Variants in GULP1 observed in about 807,000 individuals in gnomAD.
GULP1 encodes the protein PTB domain-containing engulfment adapter protein 1.
In GULP1, 19 loss-of-function variants were observed where a neutral mutation model predicts 40.9. The observed-to-expected ratio is 0.46, with a 90% CI of 0.32 to 0.68. The LOEUF (loss-of-function observed/expected upper bound fraction) is 0.68, where lower values mean the gene tolerates loss of function less well. Among genes scored for constraint, GULP1 ranks in the 30% least tolerant of loss-of-function variants. GULP1 has a pLI of 0.03. For missense variants in GULP1, 312 were observed against 362.2 expected, an observed-to-expected ratio of 0.86 and a Z score of 1.12; for synonymous variants, 119 against 117.6, an observed-to-expected ratio of 1.01 and a Z score of -0.08.
chr2:188,523,437 A>G (rs1000944918), intron 5 of GULP1, among the ~76,000 whole-genome samples: 1 of 152,166 alleles, frequency 6.6e-6, no homozygotes, highest in African/African-American at 2.4e-5. Flanking sequence ...GCTACACACC[A>G]TGTTTTTCTA....
chr2:188,531,125 C>T (rs554335265), intron 6 of GULP1, among the ~76,000 whole-genome samples: 1 of 152,272 alleles, frequency 6.6e-6, no homozygotes, highest in East Asian at 1.9e-4. Flanking sequence ...CCAGCAACTG[C>T]ATCTATTGGA....
chr2:188,525,478 A>G (rs1685927898), intron 5 of GULP1, among the ~76,000 whole-genome samples: 1 of 152,346 alleles, frequency 6.6e-6, no homozygotes, highest in East Asian at 1.9e-4. Flanking sequence ...CTATGTATTG[A>G]ATAGCATTGT....
chr2:188,467,380 T>G (rs1575444396), intron 2 of GULP1, among the ~76,000 whole-genome samples: 1 of 152,188 alleles, frequency 6.6e-6, no homozygotes, highest in African/African-American at 2.4e-5. Context: ...TTCATAATCT[T>G]TTTTAATTCT....
intron 1 of GULP1, among the ~76,000 whole-genome samples, chr2:188,368,295 T>C (rs922411540): frequency 6.6e-6 from 1 of 152,128 alleles, no homozygotes; most frequent in Non-Finnish European, 1.5e-5. Context: ...TAATTTAGAC[T>C]TTATGGCCGA....
chr2:188,409,646 T>C (rs538828236), intron 2 of GULP1, among the ~76,000 whole-genome samples: 1 of 152,098 alleles, frequency 6.6e-6, no homozygotes, highest in South Asian at 2.1e-4. Context: ...CCAGACAAAG[T>C]CACTGCAAGA....
chr2:188,502,511 G>T (rs1419305770), intron 4 of GULP1, among the ~76,000 whole-genome samples: 1 of 151,676 alleles, frequency 6.6e-6, no homozygotes, highest in Non-Finnish European at 1.5e-5. Context: ...ATTACTAAAA[G>T]GTTAAAATTG....
intron 2 of GULP1, among the ~76,000 whole-genome samples, chr2:188,388,703 A>G (rs2050119632): frequency 6.6e-6 from 1 of 152,212 alleles, no homozygotes; most frequent in Non-Finnish European, 1.5e-5. Flanking sequence ...CTCGCCAGGC[A>G]CTAAGCTAGG....
At chr2:188,586,969 T>C (rs1341125459) in intron 10 of GULP1, among the ~76,000 whole-genome samples, 6 of 152,040 alleles carry the variant, frequency 3.9e-5, no homozygotes, top group African/African-American at 1.4e-4. Context: ...TTACATAGAA[T>C]TGAATTTAGA....
intron 2 of GULP1, among the ~76,000 whole-genome samples, chr2:188,424,309 C>T (rs576320489): frequency 1.3e-5 from 2 of 151,894 alleles, no homozygotes; most frequent in East Asian, 3.9e-4. Flanking sequence ...ATAATCATTG[C>T]TTTTAATTTG....
chr2:188,323,094 A>G (rs1019269193), intron 1 of GULP1, among the ~76,000 whole-genome samples: 3 of 151,902 alleles, frequency 2.0e-5, no homozygotes, highest in African/African-American at 4.8e-5. Context: ...TTTTCCTAAA[A>G]ACCAATATAA....
intron 1 of GULP1, among the ~76,000 whole-genome samples, chr2:188,299,483 C>T (rs13007721): frequency 0.15 from 23,123 of 152,118 alleles, 1,907 homozygotes; most frequent in African/African-American, 0.17. Flanking sequence ...AGTGATTTTC[C>T]ATTCACTTAA....
intron 2 of GULP1, among the ~76,000 whole-genome samples, chr2:188,439,525 A>C (rs1042825527): frequency 6.6e-6 from 1 of 152,104 alleles, no homozygotes; most frequent in African/African-American, 2.4e-5. Context: ...ATTGGCCTTT[A>C]AAAATGTGAG....
chr2:188,342,119 A>G (rs1443243841), intron 1 of GULP1, among the ~76,000 whole-genome samples: 2 of 152,202 alleles, frequency 1.3e-5, no homozygotes, highest in African/African-American at 4.8e-5. Flanking sequence ...TGGGTTAGTA[A>G]TGGCTAGAAG....
chr2:188,528,546 T>A (rs1686760734), intron 5 of GULP1, among the ~76,000 whole-genome samples: 1 of 152,162 alleles, frequency 6.6e-6, no homozygotes. Flanking sequence ...ATATTTGTAG[T>A]TCTAGACTGA....
intron 7 of GULP1, among the ~76,000 whole-genome samples, chr2:188,562,747 T>G (rs1696633961): frequency 6.6e-6 from 1 of 152,152 alleles, no homozygotes; most frequent in Non-Finnish European, 1.5e-5. Context: ...TCCTTTTGAA[T>G]GCACATGGAA....
intron 1 of GULP1, among the ~76,000 whole-genome samples, chr2:188,336,824 G>A (rs2042314034): frequency 6.6e-6 from 1 of 152,170 alleles, no homozygotes. Context: ...GGGAAAAGTG[G>A]CAGGAGACAA....
At chr2:188,505,751 G>T (rs892961813) in intron 4 of GULP1, among the ~76,000 whole-genome samples, 1 of 151,822 alleles carries the variant, frequency 6.6e-6, no homozygotes, top group African/African-American at 2.4e-5. Flanking sequence ...CTTTCTGTCT[G>T]TTGAACTGGA....
chr2:188,489,744 C>A (rs1270833151), intron 4 of GULP1, among the ~76,000 whole-genome samples: 1 of 151,990 alleles, frequency 6.6e-6, no homozygotes, highest in Non-Finnish European at 1.5e-5. Context: ...TGTTACCTTT[C>A]CCTTGTCCTC....
intron 7 of GULP1, among the ~76,000 whole-genome samples, chr2:188,560,648 TAA>T (rs958494988): frequency 2.6e-5 from 4 of 152,166 alleles, no homozygotes; most frequent in Admixed American, 6.5e-5. Flanking sequence ...GGGTAATTTA[TAA>T]AGAGAGAAGT....
Sources: gnomAD v4.1 joint callset for allele counts (sites outside exome capture counted in the v4.1 genomes callset) on GRCh38, gnomAD v4.1.1 for gene constraint, MANE v1.5 for transcripts, NCBI Gene and HGNC (gene_info 2026-07-23, HGNC 2026-07-21) for gene names.